MXI1: variants seen among roughly 807,000 people sequenced by gnomAD.
MXI1 encodes max-interacting protein 1.
MXI1 carries 18 observed loss-of-function variants against 36.9 expected under a neutral mutation model. The ratio of observed to expected loss-of-function variants is 0.49; its 90% CI spans 0.34 to 0.72. The LOEUF (loss-of-function observed/expected upper bound fraction) is 0.72, where lower values mean the gene tolerates loss of function less well. MXI1 is among the 30% of genes least tolerant of loss of function. MXI1 has a pLI of 0.01. For missense variants in MXI1, 304 were observed against 379.1 expected, an observed-to-expected ratio of 0.80 and a Z score of 1.64; for synonymous variants, 160 against 146.7, an observed-to-expected ratio of 1.09 and a Z score of -0.65.
At chr10:110,262,247 T>C (rs901479887) in intron 3 of MXI1, among the ~76,000 whole-genome samples, 13 of 152,126 alleles carry the variant, frequency 8.5e-5, no homozygotes, top group African/African-American at 3.1e-4. Context: ...ATAACAACTA[T>C]TTACATGGTA....
intron 1 of MXI1, chr10:110,226,173 G>A (rs1564707843): frequency 2.1e-6 from 3 of 1,448,174 alleles, no homozygotes; most frequent in Non-Finnish European, 2.7e-6. Context: ...GCCCGAGAAG[G>A]GAGTGCGGAG....
chr10:110,233,383 G>A (rs1855341142), intron 2 of MXI1, among the ~76,000 whole-genome samples: 1 of 152,010 alleles, frequency 6.6e-6, no homozygotes, highest in South Asian at 2.1e-4. Context: ...TATTTTCCTA[G>A]GATAGTTTCA....
At chr10:110,269,565 A>G (rs540183641) in intron 3 of MXI1, among the ~76,000 whole-genome samples, 2 of 152,352 alleles carry the variant, frequency 1.3e-5, no homozygotes, top group African/African-American at 4.8e-5. Context: ...CTGGGTGGGA[A>G]TAGAGCTGTG....
At chr10:110,250,162 G>A (rs778203955) in intron 3 of MXI1, among the ~76,000 whole-genome samples, 3 of 152,092 alleles carry the variant, frequency 2.0e-5, no homozygotes, top group Non-Finnish European at 2.9e-5. Flanking sequence ...TTCTTGGATA[G>A]GTCTTGGGAG....
chr10:110,212,244 G>T (rs568203302), intron 1 of MXI1, among the ~76,000 whole-genome samples: 1 of 152,280 alleles, frequency 6.6e-6, no homozygotes, highest in East Asian at 1.9e-4. Flanking sequence ...TTTCCTAGGG[G>T]CACGGACAGC....
intron 3 of MXI1, among the ~76,000 whole-genome samples, chr10:110,270,350 G>A (rs1243145381): frequency 6.6e-6 from 1 of 152,190 alleles, no homozygotes; most frequent in African/African-American, 2.4e-5. Context: ...TGGATGTCAA[G>A]TGAGCAATTT....
intron 3 of MXI1, among the ~76,000 whole-genome samples, chr10:110,270,340 T>C (rs1231766443): frequency 6.6e-6 from 1 of 152,156 alleles, no homozygotes. Flanking sequence ...TAGCACAGAA[T>C]GGATGTCAAG....
intron 3 of MXI1, chr10:110,261,076 A>G (rs2134429948): frequency 1.0e-6 from 1 of 985,112 alleles, no homozygotes; most frequent in Non-Finnish European, 1.2e-6. Context: ...CTCTTACACA[A>G]AACAAGGAGC....
intron 3 of MXI1, among the ~76,000 whole-genome samples, chr10:110,264,947 TC>T (rs1480326847): frequency 6.6e-6 from 1 of 152,160 alleles, no homozygotes; most frequent in African/African-American, 2.4e-5. Flanking sequence ...TTTTTTTTTT[TC>T]AAATGGTGGT....
At chr10:110,268,166 A>G (rs148197077) in intron 3 of MXI1, among the ~76,000 whole-genome samples, 25 of 152,260 alleles carry the variant, frequency 1.6e-4, no homozygotes, top group Admixed American at 8.5e-4. Flanking sequence ...AAAATAAAAC[A>G]TGTTCCCCTC....
chr10:110,219,967 G>A (rs1226713358), intron 1 of MXI1, among the ~76,000 whole-genome samples: 1 of 152,242 alleles, frequency 6.6e-6, no homozygotes, highest in African/African-American at 2.4e-5. Flanking sequence ...CCCACTAAAC[G>A]CCACTGGAAC....
At chr10:110,271,944 T>C (rs571519461) in intron 3 of MXI1, among the ~76,000 whole-genome samples, 1 of 152,314 alleles carries the variant, frequency 6.6e-6, no homozygotes, top group South Asian at 2.1e-4. Context: ...ACATCTCCCT[T>C]TCCTCTCTCT....
At chr10:110,213,828 C>G (rs750348267) in intron 1 of MXI1, among the ~76,000 whole-genome samples, 9 of 152,232 alleles carry the variant, frequency 5.9e-5, no homozygotes, top group African/African-American at 2.2e-4. Context: ...GGGCAAAAGT[C>G]TAGAGGTGAA....
intron 2 of MXI1, among the ~76,000 whole-genome samples, chr10:110,228,639 G>A (rs764250228): frequency 6.6e-6 from 1 of 151,840 alleles, no homozygotes; most frequent in Non-Finnish European, 1.5e-5. Flanking sequence ...CAATATTCTG[G>A]CCAAGTTTTG....
chr10:110,268,155 C>A (rs1199754849), intron 3 of MXI1, among the ~76,000 whole-genome samples: 1 of 152,158 alleles, frequency 6.6e-6, no homozygotes, highest in Non-Finnish European at 1.5e-5. Flanking sequence ...GCAATGGTAA[C>A]AAAATAAAAC....
At chr10:110,229,493 A>G (rs1182093819) in intron 2 of MXI1, among the ~76,000 whole-genome samples, 1 of 151,808 alleles carries the variant, frequency 6.6e-6, no homozygotes, top group Non-Finnish European at 1.5e-5. Context: ...GGATCATCCC[A>G]CTCTGTATTT....
At chr10:110,241,238 G>A (rs1855657677) in intron 2 of MXI1, among the ~76,000 whole-genome samples, 1 of 151,916 alleles carries the variant, frequency 6.6e-6, no homozygotes, top group Non-Finnish European at 1.5e-5. Flanking sequence ...CTTTGTCATT[G>A]GAAGTTGTTA....
At chr10:110,278,652 A>G (rs562409974) in intron 3 of MXI1, among the ~76,000 whole-genome samples, 5 of 152,298 alleles carry the variant, frequency 3.3e-5, no homozygotes, top group African/African-American at 1.2e-4. Context: ...AAACTAATAT[A>G]TAACAACATG....
chr10:110,226,380 G>C, intron 1 of MXI1: 6 of 1,290,680 alleles, frequency 4.6e-6, no homozygotes, highest in Non-Finnish European at 5.9e-6. Flanking sequence ...TGAGGTGCGC[G>C]CATGAGGTGA....
Sources: allele counts gnomAD v4.1 joint callset (sites outside exome capture counted in the v4.1 genomes callset), GRCh38; gene constraint gnomAD v4.1.1; transcripts MANE v1.5; gene names NCBI Gene and HGNC (gene_info 2026-07-23, HGNC 2026-07-21).